Variants in NBEA observed in about 807,000 individuals in gnomAD.
NBEA encodes lysosomal-trafficking regulator 2.
A neutral mutation model predicts 343.4 loss-of-function variants in NBEA; 44 were observed. That is an observed-to-expected ratio of 0.13 (90% confidence interval 0.10 to 0.16). The LOEUF (loss-of-function observed/expected upper bound fraction) is 0.16, where lower values mean the gene tolerates loss of function less well. Among genes scored for constraint, NBEA ranks in the 10% least tolerant of loss-of-function variants. The probability of loss-of-function intolerance (pLI) is 1.00; values close to 1 mark genes in which losing one functional copy is unlikely to be tolerated. For synonymous variants in NBEA, 1,175 were observed against 1,238.7 expected, an observed-to-expected ratio of 0.95 and a Z score of 1.08; for missense variants, 2,555 against 3,631.3, an observed-to-expected ratio of 0.70 and a Z score of 7.62.
At chr13:35,652,907 G>A (rs2084626494) in intron 53 of NBEA, among the ~76,000 whole-genome samples, 1 of 149,596 alleles carries the variant, frequency 6.7e-6, no homozygotes, top group Non-Finnish European at 1.5e-5. Context: ...TGTTAGCCAG[G>A]ATGGTCTCGA....
intron 38 of NBEA, among the ~76,000 whole-genome samples, chr13:35,360,036 A>G (rs1284423716): frequency 6.6e-6 from 1 of 152,012 alleles, no homozygotes; most frequent in Non-Finnish European, 1.5e-5. Context: ...TTTTACGGGT[A>G]AAAAATGTGA....
At chr13:35,210,748 G>A (rs1251738828) in intron 32 of NBEA, among the ~76,000 whole-genome samples, 1 of 151,940 alleles carries the variant, frequency 6.6e-6, no homozygotes, top group African/African-American at 2.4e-5. Flanking sequence ...CCCTAAGTTT[G>A]CATTGTTTTA....
At chr13:35,418,841 G>T (rs2044107002) in intron 38 of NBEA, among the ~76,000 whole-genome samples, 1 of 151,992 alleles carries the variant, frequency 6.6e-6, no homozygotes, top group East Asian at 1.9e-4. Flanking sequence ...CGTTGAGGCT[G>T]CTATAACAAA....
chr13:35,078,572 A>T (rs1210032075), intron 10 of NBEA, among the ~76,000 whole-genome samples: 1 of 152,114 alleles, frequency 6.6e-6, no homozygotes, highest in African/African-American at 2.4e-5. Flanking sequence ...CAATGAGGGG[A>T]TTTGGTTGTA....
At chr13:35,496,848 A>C (rs1448296750) in intron 41 of NBEA, among the ~76,000 whole-genome samples, 1 of 151,956 alleles carries the variant, frequency 6.6e-6, no homozygotes. Context: ...GAATCAGGAC[A>C]TCTCATGTCT....
chr13:35,332,421 G>A (rs1481646448), intron 36 of NBEA, among the ~76,000 whole-genome samples: 2 of 152,062 alleles, frequency 1.3e-5, no homozygotes, highest in Non-Finnish European at 2.9e-5. Flanking sequence ...TGTTAAAGTG[G>A]CAGCAGAGAA....
At chr13:35,019,370 T>C (rs1463475985) in intron 1 of NBEA, among the ~76,000 whole-genome samples, 1 of 151,782 alleles carries the variant, frequency 6.6e-6, no homozygotes, top group Non-Finnish European at 1.5e-5. Context: ...CAGCCTTGGC[T>C]CACTGCAACC....
intron 36 of NBEA, among the ~76,000 whole-genome samples, chr13:35,318,189 G>T (rs1190142045): frequency 6.6e-6 from 1 of 152,150 alleles, no homozygotes; most frequent in African/African-American, 2.4e-5. Context: ...GGTTTTCAAA[G>T]GAAATGCTTC....
intron 39 of NBEA, among the ~76,000 whole-genome samples, chr13:35,443,570 TTATATC>T (rs1188840907): frequency 6.6e-6 from 1 of 152,030 alleles, no homozygotes; most frequent in African/African-American, 2.4e-5. Flanking sequence ...TATCCAGACT[TTATATC>T]TGTATTTATT....
At chr13:35,324,702 A>T (rs983137847) in intron 36 of NBEA, among the ~76,000 whole-genome samples, 5 of 152,226 alleles carry the variant, frequency 3.3e-5, no homozygotes, top group Admixed American at 3.3e-4. Context: ...TGTGCAGAAA[A>T]AAATTAAACA....
intron 5 of NBEA, among the ~76,000 whole-genome samples, chr13:35,048,965 A>T (rs1366014781): frequency 2.0e-5 from 3 of 151,978 alleles, no homozygotes; most frequent in East Asian, 3.9e-4. Flanking sequence ...AATGTATATC[A>T]GTTGTGGGAT....
chr13:35,463,186 G>A (rs765256636), intron 40 of NBEA, among the ~76,000 whole-genome samples: 1 of 152,208 alleles, frequency 6.6e-6, no homozygotes, highest in Non-Finnish European at 1.5e-5. Flanking sequence ...AAGAGAAAAG[G>A]AAAGAATCCT....
chr13:35,057,284 T>C (rs1172029132), intron 7 of NBEA, among the ~76,000 whole-genome samples: 4 of 152,154 alleles, frequency 2.6e-5, no homozygotes, highest in Non-Finnish European at 5.9e-5. Context: ...TGTATTCTTT[T>C]AACTAGCACT....
chr13:35,103,641 ATCT>A (rs1178931904), intron 11 of NBEA, among the ~76,000 whole-genome samples: 1 of 151,620 alleles, frequency 6.6e-6, no homozygotes, highest in Admixed American at 6.6e-5. Context: ...ATTTCTGGTA[ATCT>A]TCTTGACTAA....
chr13:35,400,056 A>C (rs926565251), intron 38 of NBEA, among the ~76,000 whole-genome samples: 1 of 152,120 alleles, frequency 6.6e-6, no homozygotes, highest in Non-Finnish European at 1.5e-5. Flanking sequence ...ACAAATAACC[A>C]TAACATATAA....
chr13:35,071,421 G>A (rs2063865367), intron 10 of NBEA, among the ~76,000 whole-genome samples: 1 of 151,822 alleles, frequency 6.6e-6, no homozygotes, highest in African/African-American at 2.4e-5. Context: ...CTCTTCTAAT[G>A]AGTGTGATTT....
At chr13:35,468,702 T>G (rs58876226) in intron 40 of NBEA, among the ~76,000 whole-genome samples, 16,136 of 152,056 alleles carry the variant, frequency 0.11, 1,018 homozygotes, top group East Asian at 0.32. Flanking sequence ...AACCCACTTG[T>G]TCAACTACAG....
At chr13:35,596,916 G>A (rs942742947) in intron 47 of NBEA, among the ~76,000 whole-genome samples, 1 of 151,230 alleles carries the variant, frequency 6.6e-6, no homozygotes, top group Admixed American at 6.6e-5. Context: ...AAAAAAGAAA[G>A]AAAAGAGATG....
Position 35,651,860 on chromosome 13 carries a change from A to G in NBEA, c.8019A>G (p.Glu2673=), listed in dbSNP as rs1319416199. The G allele has an allele frequency of 3.9e-6, 6 of 1,537,710 alleles. No homozygotes were observed. In the Middle Eastern group the frequency reaches 5.0e-4, roughly 129 times the overall value. The change falls in exon 53 of 59, where the codon GAA becomes GAG. Residue 2673 remains glutamate, a synonymous_variant. Coordinates refer to ENST00000379939, the MANE Select transcript of NBEA (RefSeq NM_001385012.1). The part of the protein sequence containing the change: ...SLDQAHHLPI[E]MDPLIANNSG... ...ATCAAGCCCACCATCTTCCCATTGA[A>G]ATGGATCCATTAATAGGTATGTTAA...
Sources: gnomAD v4.1 joint callset for allele counts (sites outside exome capture counted in the v4.1 genomes callset) on GRCh38, gnomAD v4.1.1 for gene constraint, MANE v1.5 for transcripts, NCBI Gene and HGNC (gene_info 2026-07-23, HGNC 2026-07-21) for gene names.